ABCA13: variants seen among roughly 807,000 people sequenced by gnomAD.
The protein encoded by ABCA13 is ATP-binding cassette sub-family A member 13.
In ABCA13, 476 loss-of-function variants were observed where a neutral mutation model predicts 478.7. The observed-to-expected ratio is 0.99, with a 90% CI of 0.92 to 1.07. The LOEUF (loss-of-function observed/expected upper bound fraction) is 1.07, where lower values mean the gene tolerates loss of function less well. Ranked by LOEUF, ABCA13 falls within the 50% of genes least tolerant of loss-of-function variation. The pLI, the probability that ABCA13 is intolerant of heterozygous loss-of-function variation, is 0.00. For synonymous variants in ABCA13, 2,252 were observed against 2,158.9 expected (o/e 1.04, Z -1.20); for missense variants, 6,060 against 5,910.6 (o/e 1.03, Z -0.83).
intron 35 of ABCA13, among the ~76,000 whole-genome samples, chr7:48,383,047 G>A (rs1162661485): frequency 2.6e-5 from 4 of 152,086 alleles, no homozygotes; most frequent in African/African-American, 7.2e-5. Flanking sequence ...GTGAGCCCTG[G>A]GAGATGAGCC....
intron 51 of ABCA13, among the ~76,000 whole-genome samples, chr7:48,512,951 A>T (rs1017807739): frequency 2.0e-5 from 3 of 152,204 alleles, no homozygotes; most frequent in Non-Finnish European, 4.4e-5. Flanking sequence ...GCCCCCAAGG[A>T]AAGTTTATCA....
chr7:48,511,744 C>T (rs556974055), intron 51 of ABCA13, among the ~76,000 whole-genome samples: 5 of 152,072 alleles, frequency 3.3e-5, no homozygotes, highest in South Asian at 2.1e-4. Flanking sequence ...TATATCTATC[C>T]GGTATCAGGA....
intron 31 of ABCA13, among the ~76,000 whole-genome samples, chr7:48,362,787 G>A (rs879406308): frequency 2.0e-5 from 3 of 151,472 alleles, no homozygotes; most frequent in Non-Finnish European, 4.4e-5. Flanking sequence ...ATTTTCTCTT[G>A]TCCATCATGC....
chr7:48,327,307 C>T (rs554076452), intron 27 of ABCA13, among the ~76,000 whole-genome samples: 1 of 152,236 alleles, frequency 6.6e-6, no homozygotes, highest in South Asian at 2.1e-4. Flanking sequence ...CATCAGATTT[C>T]GTAAGAACTT....
At chr7:48,583,218 CT>C (rs1335534729) in intron 56 of ABCA13, among the ~76,000 whole-genome samples, 1 of 152,124 alleles carries the variant, frequency 6.6e-6, no homozygotes, top group Non-Finnish European at 1.5e-5. Context: ...AAAGACATGA[CT>C]TTTATATTTA....
chr7:48,429,773 G>T (rs961685838), intron 42 of ABCA13, among the ~76,000 whole-genome samples: 2 of 152,180 alleles, frequency 1.3e-5, no homozygotes, highest in African/African-American at 4.8e-5. Flanking sequence ...ATCATGAAAG[G>T]TGTTGGATGT....
At chr7:48,330,006 T>G (rs574566474) in intron 27 of ABCA13, among the ~76,000 whole-genome samples, 168 of 147,306 alleles carry the variant, frequency 1.1e-3, no homozygotes, top group Middle Eastern at 4.2e-3. Context: ...TCCATCCATT[T>G]ATCTATTCAT....
intron 26 of ABCA13, among the ~76,000 whole-genome samples, chr7:48,314,944 T>C (rs1802349979): frequency 6.6e-6 from 1 of 152,168 alleles, no homozygotes; most frequent in South Asian, 2.1e-4. Flanking sequence ...TAGGTACAAA[T>C]GAATGCAAAT....
At chr7:48,270,384 G>T (rs533365301) in intron 16 of ABCA13, among the ~76,000 whole-genome samples, 1 of 144,606 alleles carries the variant, frequency 6.9e-6, no homozygotes, top group African/African-American at 2.5e-5. Flanking sequence ...TAAAAACGTG[G>T]CAATAATACT....
rs1336348071 is a variant in ABCA13, at chr7:48,493,884, CT to C, written c.13291+4541del. 3.3e-5 allele frequency among the ~76,000 whole-genome samples: 5 copies of C among 152,264 alleles called. No individual in the cohort carries two copies. The East Asian group carries it at 9.6e-4, about 29-fold the overall frequency. ...CAAGTTTGAGAACCACTGGGTTAAA[CT>C]GATAAACTTCCCAGCTGATTCATAT... is the stretch of plus-strand genomic sequence containing the variant. On this transcript the variant is annotated intron_variant, in intron 48 of 61. Coordinates refer to ENST00000435803, the MANE Select transcript of ABCA13 (RefSeq NM_152701.5).
intron 42 of ABCA13, among the ~76,000 whole-genome samples, chr7:48,445,274 G>T (rs1352136881): frequency 6.6e-6 from 1 of 152,146 alleles, no homozygotes; most frequent in Non-Finnish European, 1.5e-5. Flanking sequence ...CTCCCAAAGT[G>T]CTGGGATTAC....
intron 55 of ABCA13, among the ~76,000 whole-genome samples, chr7:48,545,574 C>A (rs1039858451): frequency 2.0e-5 from 3 of 150,980 alleles, no homozygotes; most frequent in African/African-American, 7.3e-5. Context: ...TTTTCAAGAG[C>A]CCATTAAAGT....
chr7:48,192,272 A>C (rs1291643207), intron 1 of ABCA13, among the ~76,000 whole-genome samples: 1 of 152,130 alleles, frequency 6.6e-6, no homozygotes, highest in Admixed American at 6.5e-5. Context: ...TTAACTTTGA[A>C]AATTTGAGGT....
At chr7:48,310,350 A>G (rs1343296836) in intron 24 of ABCA13, among the ~76,000 whole-genome samples, 3 of 151,958 alleles carry the variant, frequency 2.0e-5, no homozygotes, top group African/African-American at 7.2e-5. Context: ...TGTTCAGGAG[A>G]CCCTTCAGGG....
chr7:48,335,580 AG>A (rs1275201437), intron 28 of ABCA13, 45 bp downstream of exon 28: 2 of 1,511,454 alleles, frequency 1.3e-6, no homozygotes, highest in African/African-American at 2.8e-5. Flanking sequence ...AGCTACTGCT[AG>A]GGCATGTCCG....
chr7:48,523,106 ACTT>A (rs1489753194), intron 53 of ABCA13, among the ~76,000 whole-genome samples: 5 of 152,300 alleles, frequency 3.3e-5, no homozygotes, highest in Admixed American at 3.3e-4. Context: ...CCTCTCATAA[ACTT>A]CTCCATCAAT....
At position 48,455,180 on chromosome 7, in the gene ABCA13, G is replaced by C. The variant is rs757931404; in HGVS notation, c.12709G>C (p.Val4237Leu). Residue 4237 changes from valine to leucine, a missense_variant, in exon 43 of 62, where the codon GTG becomes CTG. Around this residue, in one of 3 missense-constraint regions of ABCA13, gnomAD observed 1,627 missense variants for 1,571.0 expected, o/e 1.04. Coordinates refer to ENST00000435803, the MANE Select transcript of ABCA13 (RefSeq NM_152701.5). ...CGACCTGCTGCTGCCAGTCCTCTTC[G>C]TGGCCTTGGCCATGGGCTTGTTCAT... ...LADLLLPVLF[V>L]ALAMGLFMVR... is the part of the protein sequence containing the mutation. 2 of 1,588,726 alleles carry C rather than the reference G, an allele frequency of 1.3e-6. No homozygotes were observed. The highest frequency in any genetic ancestry group is 1.7e-6 in the Non-Finnish European group (2 of 1,167,924).
At chr7:48,516,101 G>C (rs2130940902) in intron 51 of ABCA13, among the ~76,000 whole-genome samples, 1 of 152,222 alleles carries the variant, frequency 6.6e-6, no homozygotes, top group Non-Finnish European at 1.5e-5. Context: ...GTTCATTTCT[G>C]TTCACCAAGT....
intron 46 of ABCA13, 107 bp from the exon 47 acceptor site, chr7:48,482,969 A>G: frequency 2.6e-6 from 2 of 784,280 alleles, no homozygotes; most frequent in East Asian, 2.8e-5. Context: ...TCAGTTGGCT[A>G]CTGTCCTAAG....
Sources: allele counts gnomAD v4.1 joint callset (sites outside exome capture counted in the v4.1 genomes callset), GRCh38; gene constraint gnomAD v4.1.1; regional missense constraint gnomAD v4.1.1; transcripts MANE v1.5; gene names NCBI Gene and HGNC (gene_info 2026-07-23, HGNC 2026-07-21).